Variants in KCNN2 observed in about 807,000 individuals in gnomAD.
KCNN2 encodes potassium calcium-activated channel subfamily N member 2.
KCNN2 carries 24 observed loss-of-function variants against 55.5 expected under a neutral mutation model. The observed-to-expected ratio is 0.43, with a 90% CI of 0.31 to 0.61. The LOEUF (loss-of-function observed/expected upper bound fraction) is 0.61, where lower values mean the gene tolerates loss of function less well. KCNN2 is among the 20% of genes least tolerant of loss of function. KCNN2 has a pLI of 0.08. For synonymous variants in KCNN2, 431 were observed against 336.1 expected, an observed-to-expected ratio of 1.28 and a Z score of -3.09; for missense variants, 754 against 853.6, an observed-to-expected ratio of 0.88 and a Z score of 1.45.
chr5:114,186,705 A>T (rs1266447200), intron 1 of KCNN2, among the ~76,000 whole-genome samples: 1 of 152,212 alleles, frequency 6.6e-6, no homozygotes, highest in African/African-American at 2.4e-5. Context: ...ATTATACGTG[A>T]TAAAAATGGA....
intron 1 of KCNN2, among the ~76,000 whole-genome samples, chr5:114,063,962 G>C (rs1034724195): frequency 3.9e-5 from 6 of 152,208 alleles, no homozygotes; most frequent in Admixed American, 3.9e-4. Context: ...ATGCCAGCTA[G>C]AGCCTTCAGT....
intron 2 of KCNN2, among the ~76,000 whole-genome samples, chr5:114,317,836 G>C (rs9326921): frequency 0.18 from 26,766 of 152,188 alleles, 3,857 homozygotes; most frequent in East Asian, 0.8. Flanking sequence ...AGCAAAATGG[G>C]CATGTTTCTT....
At chr5:114,203,762 A>G (rs1445184152) in intron 1 of KCNN2, among the ~76,000 whole-genome samples, 3 of 152,222 alleles carry the variant, frequency 2.0e-5, no homozygotes, top group African/African-American at 4.8e-5. Context: ...GCATGGACTC[A>G]GACTTCAAGG....
intron 1 of KCNN2, among the ~76,000 whole-genome samples, chr5:114,180,774 A>G (rs1457800953): frequency 1.3e-5 from 2 of 152,148 alleles, no homozygotes; most frequent in Non-Finnish European, 2.9e-5. Context: ...AAGTTCCCTC[A>G]GCCCCCTTCC....
intron 3 of KCNN2, among the ~76,000 whole-genome samples, chr5:114,446,397 A>G (rs1401518607): frequency 6.6e-6 from 1 of 152,216 alleles, no homozygotes; most frequent in African/African-American, 2.4e-5. Context: ...TGGATCTCAC[A>G]ACTTGGCTCT....
At chr5:114,228,513 T>A (rs1754287749) in intron 2 of KCNN2, among the ~76,000 whole-genome samples, 1 of 152,098 alleles carries the variant, frequency 6.6e-6, no homozygotes, top group African/African-American at 2.4e-5. Flanking sequence ...TATTATGATG[T>A]AGTCTGCTTC....
intron 3 of KCNN2, among the ~76,000 whole-genome samples, chr5:114,431,386 A>G (rs1463515777): frequency 4.6e-5 from 7 of 152,030 alleles, no homozygotes; most frequent in African/African-American, 1.7e-4. Context: ...AATGTTGTTC[A>G]TAATATTACT....
chr5:114,288,835 G>A (rs1019316257), intron 2 of KCNN2, among the ~76,000 whole-genome samples: 1 of 151,996 alleles, frequency 6.6e-6, no homozygotes, highest in Middle Eastern at 3.4e-3. Context: ...TCTTAATAAT[G>A]TCCATTGACA....
intron 2 of KCNN2, among the ~76,000 whole-genome samples, chr5:114,347,361 AG>A (rs1757125679): frequency 6.6e-6 from 1 of 152,238 alleles, no homozygotes; most frequent in Admixed American, 6.5e-5. Flanking sequence ...TAACATCACC[AG>A]TATTAAGAAA....
At chr5:114,464,954 A>G (rs1253461699) in intron 4 of KCNN2, among the ~76,000 whole-genome samples, 1 of 152,184 alleles carries the variant, frequency 6.6e-6, no homozygotes. Context: ...GGCCCATAAC[A>G]AGTCCACAAG....
intron 1 of KCNN2, among the ~76,000 whole-genome samples, chr5:114,118,210 A>G (rs1751750063): frequency 6.6e-6 from 1 of 152,146 alleles, no homozygotes. Context: ...GCGGTGCTCT[A>G]TTGTTGAGTC....
chr5:114,137,868 A>G (rs1022410894), intron 1 of KCNN2, among the ~76,000 whole-genome samples: 1 of 152,196 alleles, frequency 6.6e-6, no homozygotes, highest in Non-Finnish European at 1.5e-5. Context: ...AACAATAGGA[A>G]GTGTAATTAT....
At chr5:114,385,384 C>T (rs971951274) in intron 2 of KCNN2, among the ~76,000 whole-genome samples, 2 of 152,084 alleles carry the variant, frequency 1.3e-5, no homozygotes, top group Non-Finnish European at 2.9e-5. Flanking sequence ...CAACCGTAGG[C>T]ATCATCAATG....
intron 1 of KCNN2, among the ~76,000 whole-genome samples, chr5:114,094,035 C>T (rs1751204400): frequency 6.6e-6 from 1 of 152,130 alleles, no homozygotes; most frequent in South Asian, 2.1e-4. Flanking sequence ...CTAAACATTC[C>T]ACCTGCCAAG....
At chr5:114,312,426 CACACACACATATATATATATATAT>C (rs1318032035) in intron 2 of KCNN2, among the ~76,000 whole-genome samples, 5 of 27,524 alleles carry the variant, frequency 1.8e-4, no homozygotes, top group East Asian at 2.6e-3. Context: ...CACACACACA[CACACACACATATATATATATATAT>C]ATATATATAT....
At chr5:114,288,493 T>TACACACACAC (rs777077524) in intron 2 of KCNN2, among the ~76,000 whole-genome samples, 443 of 21,696 alleles carry the variant, frequency 0.02, no homozygotes, top group Admixed American at 0.04. Flanking sequence ...ACTTTATATA[T>TACACACACAC]ATATATACAC....
At chr5:114,169,124 C>T (rs1752979018) in intron 1 of KCNN2, among the ~76,000 whole-genome samples, 1 of 152,086 alleles carries the variant, frequency 6.6e-6, no homozygotes, top group Admixed American at 6.6e-5. Context: ...TTTAAGTTTC[C>T]TGAGGCCTTC....
intron 3 of KCNN2, among the ~76,000 whole-genome samples, chr5:114,433,031 C>T (rs1759856034): frequency 1.3e-5 from 2 of 152,190 alleles, no homozygotes; most frequent in Admixed American, 6.5e-5. Context: ...CCACGGTGCC[C>T]AGTCCCATCG....
intron 2 of KCNN2, among the ~76,000 whole-genome samples, chr5:114,376,287 G>A (rs1757942868): frequency 6.6e-6 from 1 of 152,136 alleles, no homozygotes; most frequent in Non-Finnish European, 1.5e-5. Flanking sequence ...AGTCCCTCAA[G>A]CCCATGTCAG....
Sources: gnomAD v4.1 joint callset for allele counts (sites outside exome capture counted in the v4.1 genomes callset) on GRCh38, gnomAD v4.1.1 for gene constraint, MANE v1.5 for transcripts, NCBI Gene and HGNC (gene_info 2026-07-23, HGNC 2026-07-21) for gene names.